MBD5: variants seen among roughly 807,000 people sequenced by gnomAD.
The protein encoded by MBD5 is methyl-CpG-binding domain protein 5.
Under a neutral mutation model 117.3 loss-of-function variants are expected in MBD5, and 13 were observed. The observed-to-expected ratio is 0.11, with a 90% confidence interval of 0.07 to 0.18. The LOEUF (loss-of-function observed/expected upper bound fraction) is 0.18, where lower values mean the gene tolerates loss of function less well. Ranked by LOEUF, MBD5 falls within the 10% of genes least tolerant of loss-of-function variation. MBD5 has a pLI of 1.00. For missense variants in MBD5, 1,879 were observed against 2,093.8 expected, an observed-to-expected ratio of 0.90 and a Z score of 2.00; for synonymous variants, 727 against 766.4, an observed-to-expected ratio of 0.95 and a Z score of 0.85.
intron 3 of MBD5, among the ~76,000 whole-genome samples, chr2:148,234,795 C>T (rs1700057640): frequency 1.3e-5 from 2 of 152,194 alleles, no homozygotes; most frequent in East Asian, 3.9e-4. Flanking sequence ...CCTTTATGCA[C>T]TTTTATTAAC....
At chr2:148,136,524 G>C (rs569202815) in intron 1 of MBD5, among the ~76,000 whole-genome samples, 1 of 152,066 alleles carries the variant, frequency 6.6e-6, no homozygotes, top group Non-Finnish European at 1.5e-5. Flanking sequence ...CAAAGATTTC[G>C]AATCTCTTTC....
At chr2:148,409,054 G>A (rs915312838) in intron 4 of MBD5, among the ~76,000 whole-genome samples, 1 of 152,006 alleles carries the variant, frequency 6.6e-6, no homozygotes, top group Admixed American at 6.6e-5. Context: ...TAGATACTAA[G>A]GGATGATTGT....
chr2:148,062,166 A>C (rs1484575450), intron 1 of MBD5: 3 of 151,760 alleles, frequency 2.0e-5, no homozygotes, highest in Non-Finnish European at 4.4e-5. Flanking sequence ...TCTTAACCTT[A>C]AGATGAATAG....
At chr2:148,179,583 A>AT in intron 2 of MBD5, among the ~76,000 whole-genome samples, 1 of 152,210 alleles carries the variant, frequency 6.6e-6, no homozygotes, top group African/African-American at 2.4e-5. Context: ...ACCTCTTTTC[A>AT]TTTTATCATG....
rs549070628 is a variant in MBD5, at chr2:148,383,634, C to G, written c.-557+41298C>G. Among the ~76,000 whole-genome samples the G allele has an allele frequency of 7.7e-5, 10 of 130,416 alleles. 1 individual carries two copies. The East Asian group carries it at 1.3e-3, about 17-fold the overall frequency. The allele number at this position is 130,416 out of a possible 152,430, so 85.6% of individuals were successfully genotyped here. On this transcript the variant is annotated intron_variant, in intron 4 of 13. Coordinates refer to ENST00000642680, the MANE Select transcript of MBD5 (RefSeq NM_001378120.1). ...GGCCAGCATCATCCTGATACCAAAGCCTGGCAGAGACAAAACAAAAAAAAA... is the reference window on the plus strand; with the variant it reads ...GGCCAGCATCATCCTGATACCAAAGGCTGGCAGAGACAAAACAAAAAAAAA...
chr2:148,403,656 T>A (rs1278795297), intron 4 of MBD5, among the ~76,000 whole-genome samples: 3 of 152,238 alleles, frequency 2.0e-5, no homozygotes, highest in Non-Finnish European at 4.4e-5. Flanking sequence ...AATGGCAACA[T>A]CTGGTAAAAT....
intron 4 of MBD5, among the ~76,000 whole-genome samples, chr2:148,416,798 G>A (rs1256919620): frequency 1.3e-5 from 2 of 151,942 alleles, no homozygotes; most frequent in African/African-American, 4.8e-5. Context: ...AGTATCCAAT[G>A]TTCTTTATAC....
chr2:148,212,326 CATACA>C (rs1374232572), intron 2 of MBD5, among the ~76,000 whole-genome samples: 2 of 152,170 alleles, frequency 1.3e-5, no homozygotes, highest in African/African-American at 4.8e-5. Context: ...TAAGTGGAAT[CATACA>C]ATACATGGCC....
chr2:148,064,227 G>A (rs1256633773), intron 1 of MBD5, among the ~76,000 whole-genome samples: 1 of 147,436 alleles, frequency 6.8e-6, no homozygotes, highest in Non-Finnish European at 1.5e-5. Context: ...CCGGGTTCAC[G>A]CCATTCTCCC....
rs1323127834 is a variant in MBD5 at position 148,469,366 on chromosome 2, C to T, written c.1423C>T (p.Pro475Ser). The T allele has an allele frequency of 1.2e-6, 2 of 1,613,648 alleles. No individual in the cohort carries two copies. The highest frequency in any genetic ancestry group is 8.5e-7 in the Non-Finnish European group (1 of 1,179,904). The change falls in exon 8 of 14, where the codon CCA becomes TCA. Residue 475 changes from proline (P) to serine (S), a missense_variant. Physicochemically the swap from Pro to Ser is moderately conservative, Grantham distance 74 (BLOSUM62 -1). This residue lies in a region of MBD5 where 1,666 missense variants were observed against 1,792.2 expected (regional missense o/e 0.93). Transcript: ENST00000642680. ...TSSDHGNFMM[P>S]PVGPQATSSG... is the part of the protein sequence containing the mutation. ...ATCAGATCATGGAAATTTCATGATG[C>T]CACCTGTAGGACCCCAGGCCACTTC...
intron 2 of MBD5, among the ~76,000 whole-genome samples, chr2:148,206,511 C>T: frequency 6.6e-6 from 1 of 152,110 alleles, no homozygotes; most frequent in Non-Finnish European, 1.5e-5. Flanking sequence ...TTGAAATATA[C>T]AACAAAATAT....
intron 1 of MBD5, chr2:148,072,065 G>A (rs1695370850): frequency 6.6e-6 from 1 of 152,100 alleles, no homozygotes; most frequent in South Asian, 2.1e-4. Context: ...TGTACTTCTT[G>A]TTTTAGCCTT....
At chr2:148,405,150 T>G (rs907701933) in intron 4 of MBD5, among the ~76,000 whole-genome samples, 4 of 152,190 alleles carry the variant, frequency 2.6e-5, no homozygotes, top group Non-Finnish European at 4.4e-5. Flanking sequence ...ATATTCTAGA[T>G]GCTGTGCTAA....
intron 1 of MBD5, among the ~76,000 whole-genome samples, chr2:148,077,582 A>G (rs1695538565): frequency 6.6e-6 from 1 of 152,158 alleles, no homozygotes; most frequent in African/African-American, 2.4e-5. Context: ...ACTGTGGTTC[A>G]AAGTGTATAG....
chr2:148,260,302 T>A (rs558850277), intron 3 of MBD5, among the ~76,000 whole-genome samples: 4 of 152,190 alleles, frequency 2.6e-5, no homozygotes, highest in Non-Finnish European at 4.4e-5. Flanking sequence ...AGATTCCTCC[T>A]CCAGAAGCCA....
At chr2:148,234,815 A>G (rs1438831874) in intron 3 of MBD5, among the ~76,000 whole-genome samples, 1 of 152,132 alleles carries the variant, frequency 6.6e-6, no homozygotes, top group Non-Finnish European at 1.5e-5. Context: ...CTGTTTCTAA[A>G]ACTTATTTTC....
intron 4 of MBD5, among the ~76,000 whole-genome samples, chr2:148,412,552 A>G (rs114235877): frequency 5.5e-4 from 83 of 152,116 alleles, no homozygotes; most frequent in Non-Finnish European, 9.1e-4. Flanking sequence ...TTCTGGTAGT[A>G]TGGCCATCTT....
At chr2:148,427,507 G>C (rs557378486) in intron 4 of MBD5, among the ~76,000 whole-genome samples, 1 of 152,134 alleles carries the variant, frequency 6.6e-6, no homozygotes, top group African/African-American at 2.4e-5. Context: ...GATGAAGCTG[G>C]AAACCATCAT....
At chr2:148,331,828 G>A (rs1002946362) in intron 3 of MBD5, among the ~76,000 whole-genome samples, 6 of 151,980 alleles carry the variant, frequency 3.9e-5, no homozygotes, top group African/African-American at 1.4e-4. Flanking sequence ...CAAACATACA[G>A]GGTGTTTTGG....
Sources: gnomAD v4.1 joint callset for allele counts (sites outside exome capture counted in the v4.1 genomes callset) on GRCh38, gnomAD v4.1.1 for gene constraint, gnomAD v4.1.1 regional missense constraint, MANE v1.5 for transcripts, NCBI Gene and HGNC (gene_info 2026-07-23, HGNC 2026-07-21) for gene names.